The following CHRDL1 variants were observed in gnomAD, a reference collection of about 807,000 sequenced individuals.
CHRDL1 encodes chordin-like protein 1.
A neutral mutation model predicts 40.9 loss-of-function variants in CHRDL1; 19 were observed. The observed-to-expected ratio is 0.46, with a 90% CI of 0.32 to 0.68. The LOEUF is 0.68. Among genes scored for constraint, CHRDL1 ranks in the 30% least tolerant of loss-of-function variants. The probability of loss-of-function intolerance (pLI) is 0.03; values close to 1 mark genes in which losing one functional copy is unlikely to be tolerated. For missense variants in CHRDL1, 329 were observed against 352.1 expected, an observed-to-expected ratio of 0.93 and a Z score of 0.53; for synonymous variants, 136 against 123.4, an observed-to-expected ratio of 1.10 and a Z score of -0.68.
chrX:110,703,094 C>G (rs560307248), intron 6 of CHRDL1, among the ~76,000 whole-genome samples: 2 of 111,775 alleles, frequency 1.8e-5, no homozygotes, highest in Admixed American at 1.9e-4. Flanking sequence ...GCTTCCTGGA[C>G]TAGCAGTATC....
chrX:110,696,003 C>T (rs948331255), intron 7 of CHRDL1, among the ~76,000 whole-genome samples: 1 of 112,006 alleles, frequency 8.9e-6, no homozygotes, highest in African/African-American at 3.3e-5. Flanking sequence ...CCCACAATGG[C>T]TCATATGTCC....
chrX:110,702,599 T>C (rs1302939782), intron 6 of CHRDL1, among the ~76,000 whole-genome samples: 4 of 111,518 alleles, frequency 3.6e-5, no homozygotes. Context: ...GTTCATTACC[T>C]GTGTTACTAT....
rs1002744284 is a variant in CHRDL1 at position 110,674,342 on chromosome X, A to G, written c.*1889T>C. On this transcript the variant is annotated 3_prime_UTR_variant, in exon 12 of 12. Transcript: ENST00000372042. ...GGGTGGGAAGGCTTTGGGATGAATC[A>G]TCCAGAAGGAGAAACACCTCTTTGC... is the stretch of plus-strand genomic sequence containing the variant. The G allele has an allele frequency of 9.0e-6, 1 of 110,653 alleles. No homozygotes were observed. The highest frequency in any genetic ancestry group is 1.9e-5 in the Non-Finnish European group (1 of 52,864). The allele number at this position is 110,653 out of a possible 1,213,427, so 9.1% of individuals were successfully genotyped here. A position where few individuals can be genotyped will look rare whatever the true frequency, so the allele number is the denominator to read the frequency against.
chrX:110,737,560 T>C (rs766653355), intron 4 of CHRDL1, among the ~76,000 whole-genome samples: 2 of 112,199 alleles, frequency 1.8e-5, no homozygotes, highest in African/African-American at 6.5e-5. Flanking sequence ...ATTCAGATTC[T>C]AAGAGTTCAT....
At chrX:110,756,655 A>G (rs753475320) in intron 4 of CHRDL1, among the ~76,000 whole-genome samples, 1 of 111,469 alleles carries the variant, frequency 9.0e-6, no homozygotes, top group Admixed American at 9.6e-5. Flanking sequence ...GCCTGCAACA[A>G]CCATCCCACA....
chrX:110,689,299 G>A (rs2070106233), intron 8 of CHRDL1, among the ~76,000 whole-genome samples: 1 of 95,003 alleles, frequency 1.1e-5, no homozygotes, highest in African/African-American at 3.8e-5. Context: ...GTCTCCCTAT[G>A]TTGCCCAGGC....
At chrX:110,785,069 C>T (rs2089997418) in intron 2 of CHRDL1, among the ~76,000 whole-genome samples, 1 of 112,102 alleles carries the variant, frequency 8.9e-6, no homozygotes, top group South Asian at 3.7e-4. Flanking sequence ...TTCCTATCAG[C>T]ACTTTAGCGG....
intron 9 of CHRDL1, among the ~76,000 whole-genome samples, chrX:110,685,922 G>A (rs1260004121): frequency 1.1e-5 from 1 of 94,099 alleles, no homozygotes; most frequent in East Asian, 3.3e-4. Flanking sequence ...ATAGGGTCTC[G>A]CTCTGTTCCA....
intron 6 of CHRDL1, among the ~76,000 whole-genome samples, chrX:110,701,102 T>C (rs751142588): frequency 1.8e-5 from 2 of 112,094 alleles, no homozygotes; most frequent in Non-Finnish European, 3.8e-5. Flanking sequence ...ATAATGAGTT[T>C]TGAGGATTTG....
chrX:110,705,111 A>C (rs2070596527), intron 6 of CHRDL1, among the ~76,000 whole-genome samples: 1 of 108,567 alleles, frequency 9.2e-6, no homozygotes, highest in Non-Finnish European at 1.9e-5. Context: ...ACAAATGAGC[A>C]GAGAGGTAAG....
intron 5 of CHRDL1, among the ~76,000 whole-genome samples, chrX:110,720,676 A>G (rs748442901): frequency 1.8e-5 from 2 of 112,039 alleles, no homozygotes; most frequent in Non-Finnish European, 3.8e-5. Flanking sequence ...GCTTCCCTTG[A>G]CAATCCAGTG....
intron 1 of CHRDL1, among the ~76,000 whole-genome samples, chrX:110,795,063 A>G (rs2090159578): frequency 8.9e-6 from 1 of 112,449 alleles, no homozygotes; most frequent in Non-Finnish European, 1.9e-5. Flanking sequence ...CTGACAAACA[A>G]TGCCTCGCAT....
At chrX:110,767,723 TCATAGATGACA>T in intron 2 of CHRDL1, among the ~76,000 whole-genome samples, 1 of 111,125 alleles carries the variant, frequency 9.0e-6, no homozygotes, top group East Asian at 2.8e-4. Flanking sequence ...CTGAGAGACA[TCATAGATGACA>T]CAAACACATG....
At chrX:110,697,814 C>CCACACACACACA (rs60454872) in intron 7 of CHRDL1, among the ~76,000 whole-genome samples, 1 of 55,134 alleles carries the variant, frequency 1.8e-5, no homozygotes, top group South Asian at 1.6e-3. Flanking sequence ...CCACACCACT[C>CCACACACACACA]CACACACACA....
intron 6 of CHRDL1, among the ~76,000 whole-genome samples, chrX:110,717,914 C>T (rs2070873353): frequency 1.8e-5 from 2 of 111,813 alleles, no homozygotes; most frequent in South Asian, 7.5e-4. Context: ...ATCACATCCT[C>T]CTCCTTCTGA....
chrX:110,687,614 T>C (rs1044291286), intron 9 of CHRDL1, among the ~76,000 whole-genome samples: 19 of 112,032 alleles, frequency 1.7e-4, no homozygotes, highest in Non-Finnish European at 3.2e-4. Flanking sequence ...GATAAATTCA[T>C]GTGCCTGGGA....
chrX:110,681,398 A>G, intron 10 of CHRDL1, 84 bp downstream of exon 10: 16 of 805,644 alleles, frequency 2.0e-5, no homozygotes, highest in Non-Finnish European at 2.9e-5. Flanking sequence ...ATGAGGGAAC[A>G]GGTTGAAGCA....
intron 6 of CHRDL1, among the ~76,000 whole-genome samples, chrX:110,713,094 G>C (rs7885781): frequency 0.017 from 1,934 of 111,061 alleles, 34 homozygotes; most frequent in African/African-American, 0.061. Flanking sequence ...AACAAGGAGG[G>C]ATGTGGTGCG....
At chrX:110,743,850 C>T (rs1426846096) in intron 4 of CHRDL1, among the ~76,000 whole-genome samples, 3 of 111,282 alleles carry the variant, frequency 2.7e-5, no homozygotes, top group African/African-American at 9.8e-5. Context: ...TCCAGATGTA[C>T]ATGAGAGTCA....
Sources: allele counts gnomAD v4.1 joint callset (sites outside exome capture counted in the v4.1 genomes callset), GRCh38; gene constraint gnomAD v4.1.1; transcripts MANE v1.5; gene names NCBI Gene and HGNC (gene_info 2026-07-23, HGNC 2026-07-21).